The following TENM3 variants were observed in gnomAD, a reference collection of about 807,000 sequenced individuals.
TENM3 encodes teneurin-3.
In TENM3, 63 loss-of-function variants were observed where a neutral mutation model predicts 255.1. That is an observed-to-expected ratio of 0.25 (90% CI 0.20 to 0.30). The LOEUF (loss-of-function observed/expected upper bound fraction) is 0.30, where lower values mean the gene tolerates loss of function less well. Ranked by LOEUF, TENM3 falls within the 10% of genes least tolerant of loss-of-function variation. TENM3 has a pLI of 1.00. For synonymous variants in TENM3, 1,306 were observed against 1,322.3 expected (o/e 0.99, Z 0.27); for missense variants, 2,929 against 3,461.1 (o/e 0.85, Z 3.86).
At chr4:182,199,825 CAT>C (rs1383847475) in intron 1 of TENM3, among the ~76,000 whole-genome samples, 2 of 149,184 alleles carry the variant, frequency 1.3e-5, no homozygotes, top group East Asian at 4.1e-4. Flanking sequence ...TCCCTGGACT[CAT>C]ATGATTTCTC....
Position 182,446,417 on chromosome 4 carries a change from G to C in TENM3, c.511+99488G>C, listed in dbSNP as rs545145227. Among the ~76,000 whole-genome samples the C allele has an allele frequency of 1.9e-3, 289 of 152,156 alleles. 1 individual carries two copies. The South Asian group carries it at 0.022, about 11-fold the overall frequency. On this transcript the variant is annotated intron_variant, in intron 3 of 27. Transcript: ENST00000511685. ...GACCAATTTACATAGCATTCATCTGGGGAAATGAGCAGGTCAGAGGATCAG... is the reference window on the plus strand; with the variant it reads ...GACCAATTTACATAGCATTCATCTGCGGAAATGAGCAGGTCAGAGGATCAG...
the TENM3 span, among the ~76,000 whole-genome samples, chr4:181,984,979 T>G: frequency 6.6e-6 from 1 of 151,994 alleles, no homozygotes; most frequent in African/African-American, 2.4e-5. Flanking sequence ...CATTATACAA[T>G]TGCTGCACTG....
the TENM3 span, among the ~76,000 whole-genome samples, chr4:181,581,560 G>A: frequency 2.0e-5 from 3 of 152,050 alleles, no homozygotes; most frequent in African/African-American, 7.2e-5. Context: ...GACCAAAGAA[G>A]ACCAAACTTT....
At position 182,476,978 on chromosome 4, in the gene TENM3, T is replaced by A. The variant is rs548359228; in HGVS notation, c.512-123946T>A. ...TCAACACTGTTTATAAGGTTCTCCA[T>A]GCCAGAGGACAGCCGCTATCTATAG... On this transcript the variant is annotated intron_variant, in intron 3 of 27. Coordinates refer to ENST00000511685, the MANE Select transcript of TENM3 (RefSeq NM_001080477.4). Among the ~76,000 whole-genome samples, 3 of 152,344 alleles carry A rather than the reference T, an allele frequency of 2.0e-5. No homozygotes were observed. The South Asian group carries it at 6.2e-4, about 32-fold the overall frequency.
chr4:181,998,400 C>A, the TENM3 span, among the ~76,000 whole-genome samples: 1 of 152,114 alleles, frequency 6.6e-6, no homozygotes, highest in Non-Finnish European at 1.5e-5. Context: ...AGGCTTTGTT[C>A]TCTCCTGTAC....
At chr4:182,226,995 GCTGT>G (rs959811935) in intron 1 of TENM3, among the ~76,000 whole-genome samples, 1 of 152,120 alleles carries the variant, frequency 6.6e-6, no homozygotes, top group Non-Finnish European at 1.5e-5. Flanking sequence ...GCAGTTTAAA[GCTGT>G]CTGTCTTAAC....
intron 2 of TENM3, among the ~76,000 whole-genome samples, chr4:182,345,528 T>G (rs570221978): frequency 1.1e-4 from 17 of 152,302 alleles, no homozygotes; most frequent in Admixed American, 2.6e-4. Flanking sequence ...AGGTTACTAT[T>G]CTTTACCTAT....
rs762110403 is a variant in TENM3 at position 182,714,251 on chromosome 4, T to C, written c.2368+18T>C. ...TGAAGGAGGTAAGAAATACTGAGCA[T>C]GAACACGAGTCTGTGCCAGAGCACA... On this transcript the variant is annotated intron_variant, in intron 13 of 27. Transcript: ENST00000511685. 19 of 1,573,936 alleles carry C rather than the reference T, an allele frequency of 1.2e-5. No individual in the cohort carries two copies. The highest frequency in any genetic ancestry group is 4.5e-5 in the South Asian group (4 of 89,308).
At chr4:181,917,308 C>A in the TENM3 span, among the ~76,000 whole-genome samples, 1 of 152,110 alleles carries the variant, frequency 6.6e-6, no homozygotes, top group Non-Finnish European at 1.5e-5. Context: ...TAAAAGGGAT[C>A]GATAGAAACA....
chr4:182,431,496 CAAAGA>C (rs984274492), intron 3 of TENM3, among the ~76,000 whole-genome samples: 10 of 151,748 alleles, frequency 6.6e-5, no homozygotes, highest in Non-Finnish European at 1.3e-4. Flanking sequence ...CCTCTCAATA[CAAAGA>C]AAAGAAAAGA....
intron 3 of TENM3, among the ~76,000 whole-genome samples, chr4:182,392,237 G>A (rs1459066022): frequency 2.6e-5 from 4 of 152,160 alleles, no homozygotes; most frequent in Admixed American, 6.5e-5. Context: ...TCTACCGTAC[G>A]GAGCTGAGGT....
At chr4:181,782,756 T>G in the TENM3 span, among the ~76,000 whole-genome samples, 1 of 152,230 alleles carries the variant, frequency 6.6e-6, no homozygotes, top group Admixed American at 6.5e-5. Flanking sequence ...TTGCGGGTGT[T>G]TAGTGCTATA....
chr4:181,859,960 C>T, the TENM3 span, among the ~76,000 whole-genome samples: 1 of 152,122 alleles, frequency 6.6e-6, no homozygotes, highest in South Asian at 2.1e-4. Flanking sequence ...CATGTAGTCC[C>T]TGAGTTCTGG....
At chr4:181,850,758 T>A in the TENM3 span, among the ~76,000 whole-genome samples, 58,855 of 151,990 alleles carry the variant, frequency 0.39, 11,786 homozygotes, top group Admixed American at 0.5. Flanking sequence ...AATATTGGTC[T>A]TAGAATTTAT....
chr4:181,777,268 T>C, the TENM3 span, among the ~76,000 whole-genome samples: 109 of 152,296 alleles, frequency 7.2e-4, 1 homozygote, highest in Non-Finnish European at 1.3e-4. Context: ...CATTGGTCTA[T>C]GTGTCTGTTT....
At chr4:181,555,138 C>T in the TENM3 span, among the ~76,000 whole-genome samples, 3 of 152,180 alleles carry the variant, frequency 2.0e-5, no homozygotes, top group Non-Finnish European at 1.5e-5. Context: ...GTGATTCCTA[C>T]ATGGTAGGCA....
intron 6 of TENM3, among the ~76,000 whole-genome samples, chr4:182,659,760 A>C (rs1176452565): frequency 2.6e-5 from 4 of 152,202 alleles, no homozygotes. Context: ...AATTTGAGAT[A>C]TCAGTTCCTT....
chr4:182,648,126 G>C (rs907977296), intron 5 of TENM3, among the ~76,000 whole-genome samples: 5 of 151,824 alleles, frequency 3.3e-5, no homozygotes, highest in African/African-American at 1.2e-4. Flanking sequence ...TTACCTCTTC[G>C]GGCTGGAGCA....
At chr4:182,250,843 T>C (rs1318449718) in intron 1 of TENM3, among the ~76,000 whole-genome samples, 1 of 152,216 alleles carries the variant, frequency 6.6e-6, no homozygotes, top group Non-Finnish European at 1.5e-5. Context: ...AAACATGCAA[T>C]GGTGAATTGA....
Sources: allele counts gnomAD v4.1 joint callset (sites outside exome capture counted in the v4.1 genomes callset), GRCh38; gene constraint gnomAD v4.1.1; transcripts MANE v1.5; gene names NCBI Gene and HGNC (gene_info 2026-07-23, HGNC 2026-07-21).